FSTL4: variants seen among roughly 807,000 people sequenced by gnomAD.
FSTL4 encodes the protein follistatin like 4.
Under a neutral mutation model 78.2 loss-of-function variants are expected in FSTL4, and 28 were observed. The ratio of observed to expected loss-of-function variants is 0.36; its 90% CI spans 0.27 to 0.49. FSTL4 has a LOEUF of 0.49. Among genes scored for constraint, FSTL4 ranks in the 20% least tolerant of loss-of-function variants. FSTL4 has a pLI of 0.98. For synonymous variants in FSTL4, 422 were observed against 440.5 expected (o/e 0.96, Z 0.53); for missense variants, 922 against 1,084.9 (o/e 0.85, Z 2.11).
chr5:133,411,670 C>G (rs1172654265), intron 3 of FSTL4, among the ~76,000 whole-genome samples: 1 of 152,082 alleles, frequency 6.6e-6, no homozygotes, highest in Non-Finnish European at 1.5e-5. Flanking sequence ...AGGAGCCAGA[C>G]AGGGATATTT....
the FSTL4 span, among the ~76,000 whole-genome samples, chr5:133,718,728 T>A: frequency 6.6e-6 from 1 of 152,236 alleles, no homozygotes; most frequent in Admixed American, 6.5e-5. Context: ...GGCCTCTGAG[T>A]GATTTTGGAT....
intron 3 of FSTL4, among the ~76,000 whole-genome samples, chr5:133,559,576 C>G (rs1759869734): frequency 6.6e-6 from 1 of 152,176 alleles, no homozygotes; most frequent in Admixed American, 6.5e-5. Context: ...CTTTAGGGGT[C>G]ATGACCTCTT....
At chr5:133,704,993 G>A in the FSTL4 span, among the ~76,000 whole-genome samples, 1 of 152,250 alleles carries the variant, frequency 6.6e-6, no homozygotes, top group South Asian at 2.1e-4. Flanking sequence ...AATGGCACAG[G>A]CATTTGGATA....
intron 4 of FSTL4, among the ~76,000 whole-genome samples, chr5:133,352,139 G>A (rs377124436): frequency 6.6e-5 from 10 of 151,476 alleles, no homozygotes; most frequent in Admixed American, 2.0e-4. Flanking sequence ...GACCAAATCC[G>A]TCACCTTGGA....
intron 2 of FSTL4, among the ~76,000 whole-genome samples, chr5:133,588,090 A>G (rs1760546556): frequency 9.8e-6 from 1 of 102,044 alleles, no homozygotes; most frequent in Non-Finnish European, 2.2e-5. Context: ...ATATGTAGAA[A>G]GCTGAAACTG....
At chr5:133,532,010 G>T (rs772547186) in intron 3 of FSTL4, among the ~76,000 whole-genome samples, 3 of 152,152 alleles carry the variant, frequency 2.0e-5, no homozygotes, top group Non-Finnish European at 4.4e-5. Context: ...ACTGCAAAAC[G>T]GACTTTACAG....
the FSTL4 span, among the ~76,000 whole-genome samples, chr5:133,801,322 A>G: frequency 2.6e-5 from 4 of 151,962 alleles, no homozygotes; most frequent in Non-Finnish European, 4.4e-5. Flanking sequence ...TTTCCTCCCA[A>G]TCAGCTTCTT....
At chr5:133,224,280 T>A (rs1321575222) in intron 10 of FSTL4, 64 bp from the exon 11 acceptor site, 6 of 1,291,308 alleles carry the variant, frequency 4.6e-6, no homozygotes. Flanking sequence ...AAGAAAGCAG[T>A]GTTAAACCGT....
At chr5:133,493,920 T>C (rs561650938) in intron 3 of FSTL4, among the ~76,000 whole-genome samples, 1 of 152,346 alleles carries the variant, frequency 6.6e-6, no homozygotes, top group East Asian at 1.9e-4. Context: ...AATATTTATT[T>C]TCTTCTGAGA....
At chr5:133,775,473 A>G in the FSTL4 span, among the ~76,000 whole-genome samples, 1 of 152,220 alleles carries the variant, frequency 6.6e-6, no homozygotes, top group Non-Finnish European at 1.5e-5. Flanking sequence ...TTCAGCCCCG[A>G]AAGTCAGTAG....
At chr5:133,392,853 C>T (rs927905885) in intron 4 of FSTL4, among the ~76,000 whole-genome samples, 5 of 152,166 alleles carry the variant, frequency 3.3e-5, no homozygotes, top group Non-Finnish European at 5.9e-5. Context: ...AATCAATGCA[C>T]CACGAGACTT....
intron 3 of FSTL4, among the ~76,000 whole-genome samples, chr5:133,438,754 A>G (rs1227307945): frequency 6.6e-6 from 1 of 152,236 alleles, no homozygotes; most frequent in Non-Finnish European, 1.5e-5. Flanking sequence ...GAAAACCCAC[A>G]TGCAAGATAT....
intron 8 of FSTL4, among the ~76,000 whole-genome samples, chr5:133,228,906 A>G (rs1049177153): frequency 2.0e-5 from 3 of 152,254 alleles, no homozygotes; most frequent in African/African-American, 7.2e-5. Flanking sequence ...AAGGCAAGAA[A>G]TGAGAGGCAC....
At position 133,273,918 on chromosome 5, in the gene FSTL4, G is replaced by A. The variant is rs79842427; in HGVS notation, c.728-24342C>T. Among the ~76,000 whole-genome samples the A allele has an allele frequency of 6.4e-4, 98 of 152,310 alleles. 4 individuals carry two copies. The East Asian group carries it at 0.019, about 29-fold the overall frequency. On this transcript the variant is annotated intron_variant, in intron 6 of 15. Transcript: ENST00000265342. ...GAGTTCCCTTCTGTGCCTCCAGCAG[G>A]AGACTAGCCTGATTACTGAGCTCAG... is the stretch of plus-strand genomic sequence containing the variant.
At chr5:133,298,229 A>C (rs1165521705) in intron 6 of FSTL4, among the ~76,000 whole-genome samples, 2 of 152,252 alleles carry the variant, frequency 1.3e-5, no homozygotes, top group Non-Finnish European at 2.9e-5. Context: ...CTTAGCATCA[A>C]CTATGAATGC....
At chr5:133,629,572 G>C in the FSTL4 span, among the ~76,000 whole-genome samples, 1 of 152,196 alleles carries the variant, frequency 6.6e-6, no homozygotes, top group African/African-American at 2.4e-5. Context: ...GAGGTACAAA[G>C]AGGAGCTGGT....
the FSTL4 span, among the ~76,000 whole-genome samples, chr5:133,814,206 T>C: frequency 6.6e-6 from 1 of 152,204 alleles, no homozygotes. Context: ...AGTGAGTTTT[T>C]CCTGAGGGCT....
intron 8 of FSTL4, among the ~76,000 whole-genome samples, chr5:133,228,777 A>G (rs1751405995): frequency 6.6e-6 from 1 of 152,222 alleles, no homozygotes; most frequent in East Asian, 1.9e-4. Flanking sequence ...TCTCTATAAA[A>G]AGAAGAAACG....
chr5:133,224,387 G>A (rs1485620760), intron 10 of FSTL4, 171 bp from the exon 11 acceptor site: 2 of 527,360 alleles, frequency 3.8e-6, no homozygotes, highest in Admixed American at 3.5e-5. Flanking sequence ...CTTGGGGGAA[G>A]CTCTGGACAT....
Sources: gnomAD v4.1 joint callset for allele counts (sites outside exome capture counted in the v4.1 genomes callset) on GRCh38, gnomAD v4.1.1 for gene constraint, MANE v1.5 for transcripts, NCBI Gene and HGNC (gene_info 2026-07-23, HGNC 2026-07-21) for gene names.